The following LARGE1 variants were observed in gnomAD, a reference collection of about 807,000 sequenced individuals.
LARGE1 encodes the protein LARGE xylosyl- and glucuronyltransferase 1.
In LARGE1, 43 loss-of-function variants were observed where a neutral mutation model predicts 87.6. The observed-to-expected ratio is 0.49, with a 90% confidence interval of 0.38 to 0.63. The LOEUF (loss-of-function observed/expected upper bound fraction) is 0.63, where lower values mean the gene tolerates loss of function less well. Ranked by LOEUF, LARGE1 falls within the 30% of genes least tolerant of loss-of-function variation. The pLI, the probability that LARGE1 is intolerant of heterozygous loss-of-function variation, is 0.00. For synonymous variants in LARGE1, 434 were observed against 394.6 expected, an observed-to-expected ratio of 1.10 and a Z score of -1.18; for missense variants, 802 against 1,000.2, an observed-to-expected ratio of 0.80 and a Z score of 2.67.
chr22:33,832,424 C>T (rs1291676503), intron 1 of LARGE1, among the ~76,000 whole-genome samples: 1 of 152,094 alleles, frequency 6.6e-6, no homozygotes, highest in Admixed American at 6.5e-5. Flanking sequence ...ACTGGAGGGC[C>T]CATGGGACAA....
intron 11 of LARGE1, among the ~76,000 whole-genome samples, chr22:33,211,589 T>A (rs1024739065): frequency 2.0e-5 from 3 of 151,416 alleles, no homozygotes; most frequent in Non-Finnish European, 2.9e-5. Flanking sequence ...CTGGCTAACA[T>A]GCTGAAATCC....
intron 6 of LARGE1, among the ~76,000 whole-genome samples, chr22:33,446,892 TTTTG>T (rs1319396527): frequency 2.0e-5 from 3 of 151,864 alleles, no homozygotes; most frequent in Admixed American, 6.6e-5. Context: ...GAATTGTGGG[TTTTG>T]TTTGTTTGTG....
chr22:33,664,906 C>G (rs559005827), intron 2 of LARGE1, among the ~76,000 whole-genome samples: 1 of 152,240 alleles, frequency 6.6e-6, no homozygotes, highest in East Asian at 1.9e-4. Flanking sequence ...GGTTATCAGA[C>G]CACATGTCTA....
Position 33,163,760 on chromosome 22 carries a change from AG to A in LARGE1, c.*3002del. 1.3e-5 allele frequency: 2 copies of A among 152,368 alleles called. 1 individual carries two copies. Among genetic ancestry groups the A allele is most frequent in the Middle Eastern group, 6.8e-3 (2 of 294 alleles). The allele number at this position is 152,368 out of a possible 1,614,324, so 9.4% of individuals were successfully genotyped here. A position where few individuals can be genotyped will look rare whatever the true frequency, so the allele number is the denominator to read the frequency against. On this transcript the variant is annotated 3_prime_UTR_variant, in exon 12 of 12. Transcript: ENST00000608642. ...AGGATTTCTTAAACTGGTGATCTCT[AG>A]CTATTCTGTAAGAATAAAAAGAAAT...
At chr22:33,543,352 T>A (rs1368196689) in intron 6 of LARGE1, among the ~76,000 whole-genome samples, 1 of 152,168 alleles carries the variant, frequency 6.6e-6, no homozygotes, top group East Asian at 1.9e-4. Context: ...TTAATTTAGG[T>A]CACTTTCATG....
Position 33,638,688 on chromosome 22 carries a change from C to A in LARGE1, c.408+11679G>T, listed in dbSNP as rs376452691. Among the ~76,000 whole-genome samples, 4 of 152,316 alleles carry A rather than the reference C, an allele frequency of 2.6e-5. No individual in the cohort carries two copies. The East Asian group carries it at 7.7e-4, about 29-fold the overall frequency. On this transcript the variant is annotated intron_variant, in intron 3 of 14. Transcript: ENST00000397394. The stretch of plus-strand genomic sequence containing the variant: ...TGTGACCTTGAAATAATTATAAAAC[C>A]TTTCCTAGCAGTTTTCTTATCTGTC...
Position 33,342,195 on chromosome 22 carries a change from G to A in LARGE1, c.1132-4394C>T, listed in dbSNP as rs539051877. Among the ~76,000 whole-genome samples, 23 of 152,284 alleles carry A rather than the reference G, an allele frequency of 1.5e-4. No individual in the cohort carries two copies. The East Asian group carries it at 1.9e-3, about 13-fold the overall frequency. On this transcript the variant is annotated intron_variant, in intron 9 of 14. Transcript: ENST00000397394. ...TCACACCCAGTGGGGGGATCGTGTCGTCTTTGCGAATGATTCCGGTGCTTG... is the reference window on the plus strand; with the variant it reads ...TCACACCCAGTGGGGGGATCGTGTCATCTTTGCGAATGATTCCGGTGCTTG...
At chr22:33,535,399 T>C (rs926949123) in intron 6 of LARGE1, among the ~76,000 whole-genome samples, 1 of 151,896 alleles carries the variant, frequency 6.6e-6, no homozygotes, top group Non-Finnish European at 1.5e-5. Context: ...GAAAATTTGC[T>C]GGATGTGGTG....
chr22:33,196,614 G>A (rs892040970), intron 11 of LARGE1, among the ~76,000 whole-genome samples: 5 of 148,576 alleles, frequency 3.4e-5, no homozygotes, highest in African/African-American at 1.2e-4. Context: ...TCGCAAAATA[G>A]GGAAGAGGGA....
intron 1 of LARGE1, among the ~76,000 whole-genome samples, chr22:33,824,297 T>C (rs1270347877): frequency 6.6e-6 from 1 of 152,146 alleles, no homozygotes; most frequent in Admixed American, 6.5e-5. Flanking sequence ...ACAGGAAGCA[T>C]GGCTGGGAAG....
chr22:33,893,011 A>G (rs1232775259), intron 1 of LARGE1, among the ~76,000 whole-genome samples: 4 of 152,236 alleles, frequency 2.6e-5, no homozygotes, highest in East Asian at 1.9e-4. Flanking sequence ...TCCAACCTAC[A>G]GTGGTTAATT....
chr22:33,492,858 C>T (rs2148300162), intron 6 of LARGE1, among the ~76,000 whole-genome samples: 1 of 152,210 alleles, frequency 6.6e-6, no homozygotes, highest in East Asian at 1.9e-4. Context: ...TGAACAGTAT[C>T]TGATAAAAGC....
intron 2 of LARGE1, among the ~76,000 whole-genome samples, chr22:33,658,052 T>G (rs2081018408): frequency 6.6e-6 from 1 of 152,132 alleles, no homozygotes; most frequent in Non-Finnish European, 1.5e-5. Context: ...AATGGCTCTT[T>G]CCGCACCGAA....
intron 11 of LARGE1, among the ~76,000 whole-genome samples, chr22:33,308,327 G>A (rs956340726): frequency 7.9e-5 from 12 of 152,198 alleles, no homozygotes; most frequent in African/African-American, 2.7e-4. Context: ...CACTGCCCAT[G>A]AGGCAGGCTG....
chr22:33,642,291 A>T (rs1450302660), intron 3 of LARGE1, among the ~76,000 whole-genome samples: 1 of 152,236 alleles, frequency 6.6e-6, no homozygotes, highest in African/African-American at 2.4e-5. Flanking sequence ...TGTGTTTCAT[A>T]AGCAAAGGAG....
At chr22:33,877,454 A>T (rs911731619) in intron 1 of LARGE1, among the ~76,000 whole-genome samples, 2 of 152,128 alleles carry the variant, frequency 1.3e-5, no homozygotes, top group African/African-American at 4.8e-5. Context: ...CTGGGTTCAA[A>T]CCTTCATTGA....
the LARGE1 span, among the ~76,000 whole-genome samples, chr22:33,139,356 T>G: frequency 6.6e-6 from 1 of 152,306 alleles, no homozygotes; most frequent in African/African-American, 2.4e-5. Context: ...GGAGCATTTG[T>G]TTTTTTCTTG....
At chr22:33,100,778 A>G in the LARGE1 span, among the ~76,000 whole-genome samples, 2 of 151,714 alleles carry the variant, frequency 1.3e-5, no homozygotes, top group Non-Finnish European at 2.9e-5. Context: ...CAGAGATTGC[A>G]TCTTGTTCTC....
At chr22:33,767,988 C>G (rs1272252599) in intron 1 of LARGE1, among the ~76,000 whole-genome samples, 1 of 152,236 alleles carries the variant, frequency 6.6e-6, no homozygotes, top group African/African-American at 2.4e-5. Flanking sequence ...AGAGAAAGAG[C>G]TGGACATCAC....
Sources: gnomAD v4.1 joint callset for allele counts (sites outside exome capture counted in the v4.1 genomes callset) on GRCh38, gnomAD v4.1.1 for gene constraint, MANE v1.5 for transcripts, NCBI Gene and HGNC (gene_info 2026-07-23, HGNC 2026-07-21) for gene names.